KCTD8: variants seen among roughly 807,000 people sequenced by gnomAD.
KCTD8 encodes potassium channel tetramerization domain containing 8, also known as BTB/POZ domain-containing protein KCTD8.
KCTD8 carries 27 observed loss-of-function variants against 31.5 expected under a neutral mutation model. That is an observed-to-expected ratio of 0.86 (90% CI 0.63 to 1.18). The LOEUF (loss-of-function observed/expected upper bound fraction) is 1.18. Ranked by LOEUF, KCTD8 falls within the 50% of genes most tolerant of loss-of-function variation. The probability of loss-of-function intolerance (pLI) is 0.00; values close to 1 mark genes in which losing one functional copy is unlikely to be tolerated. For missense variants in KCTD8, 658 were observed against 647.7 expected (o/e 1.02, Z -0.17); for synonymous variants, 290 against 280.0 (o/e 1.04, Z -0.36).
At chr4:44,421,343 G>A (rs1291773487) in intron 1 of KCTD8, among the ~76,000 whole-genome samples, 1 of 151,802 alleles carries the variant, frequency 6.6e-6, no homozygotes, top group Non-Finnish European at 1.5e-5. Context: ...TCATTTTGAT[G>A]ACCACATGAC....
intron 1 of KCTD8, among the ~76,000 whole-genome samples, chr4:44,291,959 TGAAAA>T (rs1717289098): frequency 1.3e-5 from 1 of 76,440 alleles, no homozygotes; most frequent in African/African-American, 5.8e-5. Flanking sequence ...TTGGCTATTA[TGAAAA>T]AAAAAAAAAA....
Position 44,352,598 on chromosome 4 carries a change from G to A in KCTD8, c.961+94965C>T, listed in dbSNP as rs943200092. ...TCTATTAAAAATAGAAATAATAAAA[G>A]AGAATAAAGACCAGATTTTTAGAAA... On this transcript the variant is annotated intron_variant, in intron 1 of 1. Transcript: ENST00000360029. 1.1e-4 allele frequency among the ~76,000 whole-genome samples: 10 copies of A among 92,700 alleles called. No homozygotes were observed. The East Asian group carries it at 2.0e-3, about 18-fold the overall frequency. The allele number at this position is 92,700 out of a possible 152,430, so 60.8% of individuals were successfully genotyped here. A position where few individuals can be genotyped will look rare whatever the true frequency, so the allele number is the denominator to read the frequency against.
At chr4:44,257,059 T>C (rs2109363931) in intron 1 of KCTD8, among the ~76,000 whole-genome samples, 1 of 152,014 alleles carries the variant, frequency 6.6e-6, no homozygotes, top group South Asian at 2.1e-4. Flanking sequence ...AAACAAAAAC[T>C]GTGATTATAG....
chr4:44,255,342 C>T (rs1715960805), intron 1 of KCTD8, among the ~76,000 whole-genome samples: 1 of 151,850 alleles, frequency 6.6e-6, no homozygotes, highest in Non-Finnish European at 1.5e-5. Context: ...CCAGTAATAT[C>T]ATGTCTCAAT....
chr4:44,382,376 A>G (rs1411480333), intron 1 of KCTD8, among the ~76,000 whole-genome samples: 1 of 152,132 alleles, frequency 6.6e-6, no homozygotes, highest in Admixed American at 6.6e-5. Context: ...CATATATGAC[A>G]AACCCATGTT....
In KCTD8 at chr4:44,447,893, G is replaced by T; in HGVS notation, c.631C>A (p.Leu211Met). The change falls in exon 1 of 2, where the codon CTG becomes ATG. Residue 211 changes from leucine (L) to methionine (M), a missense_variant. Leu to Met is a conservative substitution (Grantham distance 15). Transcript: ENST00000360029. ...GTGGTGTAGGAGCCCCGGTAGCCCA[G>T]CGTGAGGAAGCCCGAGCGCTTGTCC... ...AQDKRSGFLT[L>M]GYRGSYTTVR... 6.5e-7 allele frequency: 1 copy of T among 1,529,974 alleles called. No homozygotes were observed. The highest frequency in any genetic ancestry group is 8.8e-7 in the Non-Finnish European group (1 of 1,135,294). 94.8% of individuals were successfully genotyped at this position (1,529,974 alleles called of 1,614,324 possible).
chr4:44,352,279 CTA>C (rs1719223335), intron 1 of KCTD8, among the ~76,000 whole-genome samples: 1 of 151,898 alleles, frequency 6.6e-6, no homozygotes, highest in Non-Finnish European at 1.5e-5. Context: ...TGACCTGTGG[CTA>C]TGTGATATAT....
At chr4:44,317,485 C>A (rs1261988407) in intron 1 of KCTD8, among the ~76,000 whole-genome samples, 3 of 139,982 alleles carry the variant, frequency 2.1e-5, no homozygotes. Flanking sequence ...ATGATCCACC[C>A]GCCTCGGCCT....
At chr4:44,232,920 G>A (rs2109353245) in intron 1 of KCTD8, among the ~76,000 whole-genome samples, 1 of 152,116 alleles carries the variant, frequency 6.6e-6, no homozygotes, top group African/African-American at 2.4e-5. Flanking sequence ...TGTTGTCTTT[G>A]AGGAGCTAAA....
chr4:44,397,943 T>TA (rs1720550519), intron 1 of KCTD8, among the ~76,000 whole-genome samples: 8 of 152,078 alleles, frequency 5.3e-5, no homozygotes, highest in African/African-American at 1.2e-4. Flanking sequence ...TTTACTTTTT[T>TA]TAAAAAAACA....
intron 1 of KCTD8, among the ~76,000 whole-genome samples, chr4:44,290,960 A>G (rs1717254673): frequency 6.6e-6 from 1 of 152,154 alleles, no homozygotes; most frequent in African/African-American, 2.4e-5. Context: ...AATAACTAAT[A>G]TCAGAGAAGA....
intron 1 of KCTD8, among the ~76,000 whole-genome samples, chr4:44,307,468 T>C (rs1277586845): frequency 6.6e-6 from 1 of 152,020 alleles, no homozygotes; most frequent in Middle Eastern, 3.2e-3. Context: ...AGGAATGTCA[T>C]TTCTAGAAAA....
rs149376342 is a variant in KCTD8 at position 44,351,509 on chromosome 4, T to C, written c.961+96054A>G. Among the ~76,000 whole-genome samples the C allele has an allele frequency of 7.8e-4, 119 of 152,252 alleles. No homozygotes were observed. In the East Asian group the frequency reaches 0.016, roughly 20 times the overall value. On this transcript the variant is annotated intron_variant, in intron 1 of 1. Transcript: ENST00000360029. ...ATTGCTACAAAATTATCTTTGTCAT[T>C]GGTTTTTAAATTATATATTCATGGA...
At chr4:44,434,882 C>G (rs2109480164) in intron 1 of KCTD8, among the ~76,000 whole-genome samples, 2 of 151,958 alleles carry the variant, frequency 1.3e-5, no homozygotes, top group South Asian at 4.2e-4. Context: ...TTGAAGTCAC[C>G]TAGTAATTGC....
intron 1 of KCTD8, among the ~76,000 whole-genome samples, chr4:44,300,779 A>C (rs1470947865): frequency 6.6e-6 from 1 of 152,010 alleles, no homozygotes; most frequent in African/African-American, 2.4e-5. Context: ...GGTTAGTTAC[A>C]TATGTATATA....
chr4:44,328,587 G>A (rs1718515826), intron 1 of KCTD8, among the ~76,000 whole-genome samples: 1 of 151,910 alleles, frequency 6.6e-6, no homozygotes, highest in African/African-American at 2.4e-5. Context: ...AATAGTTTTA[G>A]ATGATTTTCC....
chr4:44,398,149 C>G (rs1720556721), intron 1 of KCTD8, among the ~76,000 whole-genome samples: 1 of 152,108 alleles, frequency 6.6e-6, no homozygotes, highest in South Asian at 2.1e-4. Context: ...AAGTAAATAG[C>G]TGGAATTTAT....
intron 1 of KCTD8, among the ~76,000 whole-genome samples, chr4:44,272,180 A>G (rs987026055): frequency 2.0e-5 from 3 of 150,268 alleles, no homozygotes; most frequent in African/African-American, 7.4e-5. Flanking sequence ...TTCAATATCC[A>G]TCAAGTATTG....
chr4:44,225,920 A>T (rs1714947691), intron 1 of KCTD8, among the ~76,000 whole-genome samples: 1 of 145,094 alleles, frequency 6.9e-6, no homozygotes. Flanking sequence ...TCCCAGGTTC[A>T]CGCCATTCTC....
Sources: allele counts gnomAD v4.1 joint callset (sites outside exome capture counted in the v4.1 genomes callset), GRCh38; gene constraint gnomAD v4.1.1; transcripts MANE v1.5; gene names NCBI Gene and HGNC (gene_info 2026-07-23, HGNC 2026-07-21).